Variants in TCF20 observed in about 807,000 individuals in gnomAD.
TCF20 encodes transcription factor 20.
A neutral mutation model predicts 148.6 loss-of-function variants in TCF20; 3 were observed. The ratio of observed to expected loss-of-function variants is 0.02; its 90% CI spans 0.01 to 0.05. The LOEUF is 0.05. Ranked by LOEUF, TCF20 falls within the 10% of genes least tolerant of loss-of-function variation. The pLI is 1.00. For missense variants in TCF20, 2,350 were observed against 2,429.3 expected, an observed-to-expected ratio of 0.97 and a Z score of 0.69; for synonymous variants, 1,049 against 909.5, an observed-to-expected ratio of 1.15 and a Z score of -2.76.
chr22:42,286,520 G>T (rs1182268463), upstream of TCF20, among the ~76,000 whole-genome samples: 1 of 152,318 alleles, frequency 6.6e-6, no homozygotes, highest in African/African-American at 2.4e-5. Flanking sequence ...GATTACATGA[G>T]ATAAGAGATA....
At chr22:42,309,519 C>G (rs958401262) in intron 1 of TCF20, among the ~76,000 whole-genome samples, 2 of 152,050 alleles carry the variant, frequency 1.3e-5, no homozygotes, top group African/African-American at 4.8e-5. Context: ...ACCTCGCCCC[C>G]GCTGCCCCAG....
chr22:42,211,011 C>G lies in TCF20; in HGVS notation c.4295G>C (p.Arg1432Thr), dbSNP rs1303769539. The change falls in exon 2 of 6, where the codon AGG (arginine) becomes ACG (threonine). Residue 1432 changes from arginine to threonine, a missense_variant. Around this residue, in one of 7 missense-constraint regions of TCF20, gnomAD observed 231 missense variants for 213.7 expected, o/e 1.08. Coordinates refer to ENST00000677622, the MANE Select transcript of TCF20 (RefSeq NM_001378418.1). The part of the protein sequence containing the change: ...QELHVEKPLP[R>T]SSEEWRGSVD... ...GCTGCCACGCCACTCTTCTGAAGACCTTGGAAGAGGTTTCTCTACGTGCAA... is the reference window on the plus strand; with the variant it reads ...GCTGCCACGCCACTCTTCTGAAGACGTTGGAAGAGGTTTCTCTACGTGCAA... 1 of 1,614,096 alleles carries G rather than the reference C, an allele frequency of 6.2e-7. No homozygotes were observed. Among genetic ancestry groups the G allele is most frequent in the South Asian group, 1.1e-5 (1 of 91,080 alleles).
chr22:42,174,304 G>A (rs1936308832), intron 3 of TCF20, among the ~76,000 whole-genome samples: 1 of 152,212 alleles, frequency 6.6e-6, no homozygotes, highest in Admixed American at 6.5e-5. Context: ...AGAGTGCTGA[G>A]CTAGAGCGTT....
At chr22:42,253,442 T>C (rs1186134830) in intron 1 of TCF20, among the ~76,000 whole-genome samples, 1 of 152,196 alleles carries the variant, frequency 6.6e-6, no homozygotes, top group African/African-American at 2.4e-5. Context: ...GAAAAATATT[T>C]ATTAAACTTC....
Position 42,338,054 on chromosome 22 carries a change from G to C in TCF20, c.-37+5425C>G, listed in dbSNP as rs1403629911. On this transcript the variant is annotated intron_variant, in intron 1 of 1. Transcript: ENST00000515426. The surrounding 1 kb of genome is among the most constrained non-coding windows in gnomAD (Gnocchi z 4.0). ...CTGTGGCCAGAGGGAGGGGGTACTG[G>C]GCCCCACCTGGGTCCAGTGGGGGCA... Among the ~76,000 whole-genome samples the C allele has an allele frequency of 1.3e-5, 2 of 152,122 alleles. No homozygotes were observed.
chr22:42,253,013 A>C (rs1461465853), intron 1 of TCF20, among the ~76,000 whole-genome samples: 2 of 152,136 alleles, frequency 1.3e-5, no homozygotes, highest in Non-Finnish European at 2.9e-5. Context: ...CAGGTCAATA[A>C]GAGAAGCAAA....
chr22:42,331,636 CTAGG>C (rs1185263345), intron 1 of TCF20, among the ~76,000 whole-genome samples: 2 of 152,260 alleles, frequency 1.3e-5, no homozygotes, highest in African/African-American at 2.4e-5. Flanking sequence ...CTTGACATGT[CTAGG>C]GCTTGAGCCC....
intron 1 of TCF20, among the ~76,000 whole-genome samples, chr22:42,243,292 C>CAAAAAAAAAAAAAAAAAAAAAAAA (rs3045578): frequency 1.0e-4 from 4 of 39,502 alleles, no homozygotes; most frequent in African/African-American, 2.6e-4. Context: ...GACACTGTCT[C>CAAAAAAAAAAAAAAAAAAAAAAAA]AAAAAAAAAA....
intron 1 of TCF20, among the ~76,000 whole-genome samples, chr22:42,334,359 G>A (rs956164457): frequency 6.6e-6 from 1 of 151,850 alleles, no homozygotes; most frequent in African/African-American, 2.4e-5. Context: ...ACCCCAATGA[G>A]GAGTCAAGAA....
At chr22:42,288,542 A>C (rs1471728699), upstream of TCF20, among the ~76,000 whole-genome samples, 1 of 149,512 alleles carries the variant, frequency 6.7e-6, no homozygotes, top group Admixed American at 6.7e-5. Context: ...CTCAGGAAAA[A>C]AAAAAAAAAA....
At chr22:42,296,081 T>C (rs963550174) in intron 1 of TCF20, among the ~76,000 whole-genome samples, 1 of 152,228 alleles carries the variant, frequency 6.6e-6, no homozygotes, top group African/African-American at 2.4e-5. Context: ...GAACAGTCCT[T>C]AGCCCATCTG....
In TCF20 at chr22:42,227,176, G is replaced by A. The variant is rs557642997; in HGVS notation, c.-36-11835C>T. 2.6e-5 allele frequency among the ~76,000 whole-genome samples: 4 copies of A among 152,192 alleles called. No individual in the cohort carries two copies. The South Asian group carries it at 6.2e-4, about 24-fold the overall frequency. On this transcript the variant is annotated intron_variant, in intron 1 of 5. Transcript: ENST00000677622. Reference sequence around the variant, plus strand: ...CACATGCCCGTAATCCTAGCTACTCGAGTGGCTGAGGCACAAGAATCACTT... The same window carrying A: ...CACATGCCCGTAATCCTAGCTACTCAAGTGGCTGAGGCACAAGAATCACTT...
chr22:42,254,959 C>CAAAAAAAAAAAAAAAAAAAAAAAAA (rs10625678), intron 1 of TCF20, among the ~76,000 whole-genome samples: 6 of 62,808 alleles, frequency 9.6e-5, no homozygotes, highest in African/African-American at 5.7e-4. Context: ...GACTCCGTCT[C>CAAAAAAAAAAAAAAAAAAAAAAAAA]AAAAAAAAAA....
chr22:42,212,382 A>G lies in TCF20; in HGVS notation c.2924T>C (p.Leu975Pro), dbSNP rs1921056944. 1.2e-6 allele frequency: 2 copies of G among 1,614,122 alleles called. No individual in the cohort carries two copies. Among genetic ancestry groups the G allele is most frequent in the African/African-American group, 2.7e-5 (2 of 74,932 alleles). ...GCTGTCTTGCGGGCCATAGTCTGAA[A>G]GGGAATCATGGGTTGCTGCTCCAGG... ...ASPGAATHDS[L>P]SDYGPQDSRP... is the part of the protein sequence containing the mutation. The change falls in exon 2 of 6, where the codon CTT becomes CCT. Residue 975 changes from leucine to proline, a missense_variant. By Grantham distance (98) the Leu-to-Pro change is moderately conservative (BLOSUM62 -3). This residue lies in a region of TCF20 where 1,641 missense variants were observed against 1,662.6 expected (regional missense o/e 0.99). Coordinates refer to ENST00000677622, the MANE Select transcript of TCF20 (RefSeq NM_001378418.1).
rs530687407 is a variant in TCF20, at chr22:42,234,556, TCAC to T, written c.-36-19218_-36-19216del. Among the ~76,000 whole-genome samples, 68 of 152,304 alleles carry T rather than the reference TCAC, an allele frequency of 4.5e-4. No individual in the cohort carries two copies. In the Middle Eastern group the frequency reaches 0.017, roughly 38 times the overall value. The stretch of plus-strand genomic sequence containing the variant: ...CTACACTTCCACGGTTGCCTCAAAC[TCAC>T]CACAATTCCAAAATACCAAGAAACA... On this transcript the variant is annotated intron_variant, in intron 1 of 5. Coordinates refer to ENST00000677622, the MANE Select transcript of TCF20 (RefSeq NM_001378418.1).
At chr22:42,242,655 G>C (rs189087889) in intron 1 of TCF20, among the ~76,000 whole-genome samples, 1 of 152,130 alleles carries the variant, frequency 6.6e-6, no homozygotes. Context: ...GGGAGGCTGA[G>C]GCACGCGGAT....
intron 3 of TCF20, among the ~76,000 whole-genome samples, chr22:42,175,978 TAG>T (rs1281232007): frequency 6.6e-6 from 1 of 151,898 alleles, no homozygotes; most frequent in African/African-American, 2.4e-5. Context: ...GTATTTTTTG[TAG>T]AGACAGGGTT....
chr22:42,234,325 A>T (rs1923688264), intron 1 of TCF20, among the ~76,000 whole-genome samples: 1 of 152,264 alleles, frequency 6.6e-6, no homozygotes, highest in Non-Finnish European at 1.5e-5. Context: ...CCAACACCAT[A>T]GGTCAACCTG....
chr22:42,197,184 T>C (rs1288370941), intron 2 of TCF20, among the ~76,000 whole-genome samples: 1 of 152,122 alleles, frequency 6.6e-6, no homozygotes, highest in African/African-American at 2.4e-5. Flanking sequence ...GCTCATAATA[T>C]TTGCTTCCTT....
Sources: allele counts gnomAD v4.1 joint callset (sites outside exome capture counted in the v4.1 genomes callset), GRCh38; gene constraint gnomAD v4.1.1; regional missense constraint gnomAD v4.1.1; non-coding constraint Gnocchi (gnomAD v3.1); transcripts MANE v1.5; gene names NCBI Gene and HGNC (gene_info 2026-07-23, HGNC 2026-07-21).